CGN: variants seen among roughly 807,000 people sequenced by gnomAD.
The protein encoded by CGN is cingulin.
CGN carries 121 observed loss-of-function variants against 157.1 expected under a neutral mutation model. The observed-to-expected ratio is 0.77, with a 90% confidence interval of 0.66 to 0.90. The LOEUF (loss-of-function observed/expected upper bound fraction) is 0.90. Ranked by LOEUF, CGN falls within the 40% of genes least tolerant of loss-of-function variation. The pLI is 0.00. For missense variants in CGN, 1,424 were observed against 1,520.9 expected (o/e 0.94, Z 1.06); for synonymous variants, 535 against 607.5 (o/e 0.88, Z 1.76).
In CGN at chr1:151,536,261, C is replaced by A. The variant is rs1427736003; in HGVS notation, c.3222C>A (p.Thr1074=). Residue 1074 remains threonine, a synonymous_variant, in exon 19 of 21, where the codon ACC becomes ACA. Coordinates refer to ENST00000271636, the MANE Select transcript of CGN (RefSeq NM_020770.3). ...EEREKTVLQS[T]NRKLERKVKE... ...GGGAGAAGACAGTTCTGCAGTCTAC[C>A]AATCGAAAACTGGAGCGGAAAGTTA... 6.2e-7 allele frequency: 1 copy of A among 1,608,944 alleles called. No individual in the cohort carries two copies. Among genetic ancestry groups the A allele is most frequent in the Non-Finnish European group, 8.5e-7 (1 of 1,175,332 alleles).
chr1:151,521,668 G>T (rs1664544227), intron 5 of CGN, among the ~76,000 whole-genome samples: 1 of 152,064 alleles, frequency 6.6e-6, no homozygotes, highest in Non-Finnish European at 1.5e-5. Flanking sequence ...GAGAAATCCT[G>T]TCTCTACTAA....
chr1:151,529,575 A>G lies in CGN; in HGVS notation c.2106+16A>G. On this transcript the variant is annotated intron_variant, in intron 11 of 20. Transcript: ENST00000271636. Reference sequence around the variant, plus strand: ...GGCTTCCAAGGCAAGGGGAGTGGGCACAGGGCTTAGGAGGTGGAGGCTGAG... The same window carrying G: ...GGCTTCCAAGGCAAGGGGAGTGGGCGCAGGGCTTAGGAGGTGGAGGCTGAG... 1 of 1,608,360 alleles carries G rather than the reference A, an allele frequency of 6.2e-7. No individual in the cohort carries two copies.
In CGN at chr1:151,518,999, C is replaced by G; in HGVS notation, c.480C>G (p.Ala160=). ...GAAGCAACAGCATGCTGGAGCTAGC[C>G]CCGAAAGTGGCTTCCCCAGGTAGCA... The part of the protein sequence containing the change: ...SNRSNSMLEL[A]PKVASPGSTI... The change falls in exon 2 of 21, where the codon GCC becomes GCG. Residue 160 remains alanine (A), a synonymous_variant. Coordinates refer to ENST00000271636, the MANE Select transcript of CGN (RefSeq NM_020770.3). The G allele has an allele frequency of 6.2e-7, 1 of 1,614,186 alleles. No individual in the cohort carries two copies. Among genetic ancestry groups the G allele is most frequent in the East Asian group, 2.2e-5 (1 of 44,880 alleles).
intron 19 of CGN, 125 bp from the exon 20 acceptor site, chr1:151,536,605 A>T: frequency 1.2e-6 from 1 of 861,164 alleles, no homozygotes. Flanking sequence ...ATGTGAGGTT[A>T]AGGAACTTGC....
At chr1:151,523,832 C>A (rs1404474667) in intron 6 of CGN, among the ~76,000 whole-genome samples, 2 of 152,192 alleles carry the variant, frequency 1.3e-5, no homozygotes, top group African/African-American at 4.8e-5. Context: ...GTACCTACCT[C>A]ACAGGATCAT....
At chr1:151,523,996 A>C (rs574356291) in intron 6 of CGN, among the ~76,000 whole-genome samples, 1 of 152,322 alleles carries the variant, frequency 6.6e-6, no homozygotes, top group South Asian at 2.1e-4. Context: ...GACAGTAAAC[A>C]AACATATTTT....
At chr1:151,532,681 G>C in intron 14 of CGN, 109 bp downstream of exon 14, 1 of 866,128 alleles carries the variant, frequency 1.2e-6, no homozygotes, top group East Asian at 3.4e-5. Flanking sequence ...GTTCAGTGGC[G>C]CGATCTTGGC....
In CGN at chr1:151,538,303, T is replaced by G. The variant is rs1030603253; in HGVS notation, c.*957T>G. 10 of 152,416 alleles carry G rather than the reference T, an allele frequency of 6.6e-5. No individual in the cohort carries two copies. In the East Asian group the frequency reaches 1.9e-3, roughly 29 times the overall value. 9.4% of individuals were successfully genotyped at this position (152,416 alleles called of 1,614,324 possible). A position where few individuals can be genotyped will look rare whatever the true frequency, so the allele number is the denominator to read the frequency against. The stretch of plus-strand genomic sequence containing the variant: ...CAGTCCCTGTGGCCTTCCTTGGGGC[T>G]TCTCTGACCACATGTGCCCAACTTC... On this transcript the variant is annotated 3_prime_UTR_variant, in exon 21 of 21. Coordinates refer to ENST00000271636, the MANE Select transcript of CGN (RefSeq NM_020770.3).
intron 1 of CGN, among the ~76,000 whole-genome samples, chr1:151,516,574 C>T (rs1170080261): frequency 1.4e-5 from 2 of 145,738 alleles, no homozygotes; most frequent in South Asian, 2.2e-4. Context: ...TAGAGTTTCA[C>T]TCTTGTTGCC....
rs1418293434 is a variant in CGN at position 151,536,904 on chromosome 1, C to T, written c.3470+11C>T. 1.2e-6 allele frequency: 2 copies of T among 1,612,854 alleles called. No homozygotes were observed. The highest frequency in any genetic ancestry group is 3.3e-5 in the Admixed American group (2 of 59,982). On this transcript the variant is annotated intron_variant, in intron 20 of 20. Transcript: ENST00000271636. ...GGAGAAGGACTCCTGGTATGGGCTA[C>T]CCTTTTGCCCTTGCTCCATAGGGAC...
At chr1:151,531,434 C>T (rs1664836101) in intron 13 of CGN, among the ~76,000 whole-genome samples, 1 of 152,196 alleles carries the variant, frequency 6.6e-6, no homozygotes, top group South Asian at 2.1e-4. Context: ...GCTTGTTCCT[C>T]AGTTTCTCTT....
At chr1:151,530,159 G>T (rs1664802010) in intron 12 of CGN, 44 bp downstream of exon 12, 1 of 1,564,934 alleles carries the variant, frequency 6.4e-7, no homozygotes, top group Admixed American at 1.7e-5. Context: ...CAGCCCTGGT[G>T]AAATACTCCT....
chr1:151,532,653 T>C (rs1571669543), intron 14 of CGN, 81 bp downstream of exon 14: 1 of 1,154,120 alleles, frequency 8.7e-7, no homozygotes, highest in Non-Finnish European at 1.1e-6. Context: ...AGAGTCTCAC[T>C]CTGTCGCCCA....
chr1:151,519,428 G>A (rs1481574966), intron 2 of CGN, 36 bp downstream of exon 2: 1 of 1,519,942 alleles, frequency 6.6e-7, no homozygotes, highest in Non-Finnish European at 8.8e-7. Context: ...CTAAATGTCA[G>A]CCCCTTCTCC....
intron 13 of CGN, among the ~76,000 whole-genome samples, chr1:151,532,066 G>T (rs1664849016): frequency 6.6e-6 from 1 of 152,080 alleles, no homozygotes; most frequent in African/African-American, 2.4e-5. Context: ...CTTTGTATCA[G>T]GCACTGTTGT....
chr1:151,510,727 C>T (rs1664262424), upstream of CGN, among the ~76,000 whole-genome samples: 1 of 152,162 alleles, frequency 6.6e-6, no homozygotes, highest in African/African-American at 2.4e-5. Context: ...GATCCTTGCT[C>T]TGGTGAAGCT....
chr1:151,512,423 A>G (rs1288618544), intron 1 of CGN, among the ~76,000 whole-genome samples: 6 of 152,158 alleles, frequency 3.9e-5, no homozygotes, highest in Admixed American at 1.3e-4. Context: ...AGGAATCCCC[A>G]TTACTCCCTG....
chr1:151,536,873 G>A lies in CGN; in HGVS notation c.3450G>A (p.Lys1150=). The A allele has an allele frequency of 1.2e-6, 2 of 1,614,138 alleles. No homozygotes were observed. Among genetic ancestry groups the A allele is most frequent in the South Asian group, 1.1e-5 (1 of 91,080 alleles). ...ATGAACAGCTCCAGGCCCGGATCAAGTCTCTGGAGAAGGACTCCTGGTATG... is the reference window on the plus strand; with the variant it reads ...ATGAACAGCTCCAGGCCCGGATCAAATCTCTGGAGAAGGACTCCTGGTATG... The part of the protein sequence containing the change: ...EVNEQLQARI[K]SLEKDSWRKA... Residue 1150 remains lysine (K), a synonymous_variant, in exon 20 of 21, where the codon AAG becomes AAA. Coordinates refer to ENST00000271636, the MANE Select transcript of CGN (RefSeq NM_020770.3).
intron 1 of CGN, among the ~76,000 whole-genome samples, chr1:151,512,364 G>C (rs1016462411): frequency 2.6e-5 from 4 of 152,134 alleles, no homozygotes; most frequent in Admixed American, 2.6e-4. Context: ...TTCTAGATGG[G>C]GACCATTGGA....
Sources: allele counts gnomAD v4.1 joint callset (sites outside exome capture counted in the v4.1 genomes callset), GRCh38; gene constraint gnomAD v4.1.1; transcripts MANE v1.5; gene names NCBI Gene and HGNC (gene_info 2026-07-23, HGNC 2026-07-21).